CYSLTR1: variants seen among roughly 807,000 people sequenced by gnomAD.
The protein encoded by CYSLTR1 is cysteinyl leukotriene receptor 1.
Under a neutral mutation model 2.1 loss-of-function variants are expected in CYSLTR1, and 1 was observed. The observed-to-expected ratio is 0.48, with a 90% CI of 0.17 to 2.28. CYSLTR1 has a LOEUF of 2.28. Among genes scored for constraint, CYSLTR1 ranks in the 30% most tolerant of loss-of-function variants. The pLI is 0.26. For missense variants in CYSLTR1, 299 were observed against 250.1 expected, an observed-to-expected ratio of 1.20 and a Z score of -1.32; for synonymous variants, 110 against 89.6, an observed-to-expected ratio of 1.23 and a Z score of -1.28.
chrX:78,293,874 A>G lies in CYSLTR1; in HGVS notation c.-114-10334T>C, dbSNP rs183089229. ...TCTATGCTCTTTTTTCTAGTTAGCCATTCGTCCAATCTTTTTTCAAGGTTT... is the reference window on the plus strand; with the variant it reads ...TCTATGCTCTTTTTTCTAGTTAGCCGTTCGTCCAATCTTTTTTCAAGGTTT... On this transcript the variant is annotated intron_variant, in intron 1 of 2. Transcript: ENST00000373304. Among the ~76,000 whole-genome samples the G allele has an allele frequency of 1.3e-4, 14 of 111,351 alleles. No individual in the cohort carries two copies. In the East Asian group the frequency reaches 2.5e-3, roughly 20 times the overall value.
At chrX:78,283,865 C>G (rs1029656658) in intron 1 of CYSLTR1, among the ~76,000 whole-genome samples, 2 of 111,868 alleles carry the variant, frequency 1.8e-5, no homozygotes, top group Non-Finnish European at 3.8e-5. Flanking sequence ...CCTCTATCTT[C>G]TCTTCTAAAC....
intron 1 of CYSLTR1, chrX:78,320,521 G>T (rs1290567479): frequency 8.9e-6 from 1 of 111,942 alleles, no homozygotes; most frequent in Non-Finnish European, 1.9e-5. Context: ...TAGCCTTGTA[G>T]TATAGTTTGA....
At position 78,317,869 on chromosome X, in the gene CYSLTR1, G is replaced by A. The variant is rs7060892; in HGVS notation, c.-115+9436C>T. Among the ~76,000 whole-genome samples, 682 of 111,711 alleles carry A rather than the reference G, an allele frequency of 6.1e-3. 4 individuals are homozygous for A. Among genetic ancestry groups the A allele is most frequent in the African/African-American group, 0.021 (639 of 30,663 alleles). ...TGAGGGCTAAAAGACTACACATTGCGTACAGTGTACACTGCCTGGGTGATG... is the reference window on the plus strand; with the variant it reads ...TGAGGGCTAAAAGACTACACATTGCATACAGTGTACACTGCCTGGGTGATG... On this transcript the variant is annotated intron_variant, in intron 1 of 2. Transcript: ENST00000373304.
intron 1 of CYSLTR1, among the ~76,000 whole-genome samples, chrX:78,286,535 T>C (rs1369060820): frequency 1.8e-5 from 2 of 110,494 alleles, no homozygotes; most frequent in African/African-American, 6.6e-5. Context: ...TTAGGGTACA[T>C]GTGCACAATG....
intron 1 of CYSLTR1, among the ~76,000 whole-genome samples, chrX:78,314,706 A>C (rs757321491): frequency 9.0e-6 from 1 of 110,882 alleles, no homozygotes; most frequent in East Asian, 2.9e-4. Context: ...ACACCTGCCC[A>C]CAGAGAGAGC....
chrX:78,314,097 T>C (rs1184656902), intron 1 of CYSLTR1, among the ~76,000 whole-genome samples: 1 of 111,148 alleles, frequency 9.0e-6, no homozygotes, highest in Non-Finnish European at 1.9e-5. Context: ...GAGAGAATTA[T>C]TTGAAGAGGT....
At chrX:78,298,718 A>T (rs1393337022) in intron 1 of CYSLTR1, among the ~76,000 whole-genome samples, 1 of 111,227 alleles carries the variant, frequency 9.0e-6, no homozygotes, top group Non-Finnish European at 1.9e-5. Flanking sequence ...TTTTATTGGC[A>T]TGGAATGTCT....
At chrX:78,323,398 G>T (rs187756710) in intron 1 of CYSLTR1, among the ~76,000 whole-genome samples, 1 of 111,776 alleles carries the variant, frequency 8.9e-6, no homozygotes, top group African/African-American at 3.3e-5. Flanking sequence ...TCTTAAGTAA[G>T]AATTCAAATT....
intron 2 of CYSLTR1, 125 bp from the exon 3 acceptor site, chrX:78,273,898 C>A: frequency 1.8e-6 from 1 of 550,830 alleles, no homozygotes; most frequent in Non-Finnish European, 2.8e-6. Context: ...AGTAGTGAGG[C>A]ATTGAGGAGG....
chrX:78,296,172 T>A (rs190258055), intron 1 of CYSLTR1, among the ~76,000 whole-genome samples: 2 of 111,917 alleles, frequency 1.8e-5, no homozygotes, highest in African/African-American at 6.5e-5. Flanking sequence ...CCCCAGTGTA[T>A]GTTCTTGGCA....
At chrX:78,309,972 A>G (rs951020132) in intron 1 of CYSLTR1, among the ~76,000 whole-genome samples, 3 of 112,373 alleles carry the variant, frequency 2.7e-5, no homozygotes, top group Non-Finnish European at 5.6e-5. Context: ...ACTGCACAAA[A>G]GGCAAGGATT....
rs1921290398 is a variant in CYSLTR1 at position 78,272,195 on chromosome X, G to A, written c.*538C>T. The A allele has an allele frequency of 8.9e-6, 1 of 111,787 alleles. No individual in the cohort carries two copies. The highest frequency in any genetic ancestry group is 1.9e-5 in the Non-Finnish European group (1 of 53,219). The allele number at this position is 111,787 out of a possible 1,213,427, so 9.2% of individuals were successfully genotyped here. The stretch of plus-strand genomic sequence containing the variant: ...AGCACTTTTACATTCTCTTTTGGAA[G>A]AAATGGCCCTAATTTGCCTAGCGAA... On this transcript the variant is annotated 3_prime_UTR_variant, in exon 3 of 3. Transcript: ENST00000373304.
At position 78,273,393 on chromosome X, in the gene CYSLTR1, G is replaced by A. The variant is rs201536627; in HGVS notation, c.354C>T (p.Ser118=). ...AAACAATTGCAATGCACCGGAAAAA[G>A]CTCATGGCTGTCATAAAGAAGATGC... ...YCSIFFMTAM[S]FFRCIAIVFP... is the part of the protein sequence containing the mutation. The change falls in exon 3 of 3, where the codon AGC becomes AGT. Residue 118 remains serine (S), a synonymous_variant. Coordinates refer to ENST00000373304, the MANE Select transcript of CYSLTR1 (RefSeq NM_006639.4). The A allele has an allele frequency of 3.1e-5, 37 of 1,211,259 alleles. No individual in the cohort carries two copies. The highest frequency in any genetic ancestry group is 3.7e-5 in the Non-Finnish European group (33 of 895,347).
At chrX:78,327,147 A>C (rs774624005) in intron 1 of CYSLTR1, among the ~76,000 whole-genome samples, 158 bp downstream of exon 1, 1 of 112,012 alleles carries the variant, frequency 8.9e-6, no homozygotes, top group African/African-American at 3.2e-5. Flanking sequence ...TTTCTGGCTA[A>C]GAAATAAAGC....
chrX:78,321,139 G>A (rs1349778156), intron 1 of CYSLTR1: 1 of 34,988 alleles, frequency 2.9e-5, no homozygotes, highest in Non-Finnish European at 1.2e-4. Context: ...AGGAGCACGT[G>A]TGTGTGTGTG....
chrX:78,276,015 GAAGA>G (rs943878196), intron 2 of CYSLTR1, among the ~76,000 whole-genome samples: 5 of 112,453 alleles, frequency 4.4e-5, no homozygotes, highest in African/African-American at 6.5e-5. Flanking sequence ...TTAAGGCTCT[GAAGA>G]AATATGTAGT....
At position 78,273,056 on chromosome X, in the gene CYSLTR1, C is replaced by G; in HGVS notation, c.691G>C (p.Ala231Pro). The change falls in exon 3 of 3, where the codon GCT becomes CCT. Residue 231 changes from alanine to proline, a missense_variant. Physicochemically the swap from Ala to Pro is conservative, Grantham distance 27. Coordinates refer to ENST00000373304, the MANE Select transcript of CYSLTR1 (RefSeq NM_006639.4). ...GTCACGACCATGATCATTCCTATAG[C>G]CTTTTTATGACTTGACAGATTTTTT... The part of the protein sequence containing the change: ...MKKNLSSHKK[A>P]IGMIMVVTAA... 1 of 1,210,607 alleles carries G rather than the reference C, an allele frequency of 8.3e-7. No individual in the cohort carries two copies. The highest frequency in any genetic ancestry group is 2.2e-5 in the Admixed American group (1 of 45,862).
intron 1 of CYSLTR1, among the ~76,000 whole-genome samples, chrX:78,284,768 A>AAG (rs1223376198): frequency 9.1e-6 from 1 of 110,339 alleles, no homozygotes; most frequent in Non-Finnish European, 1.9e-5. Context: ...CTAAAAAAAA[A>AAG]AAAAAAAGAA....
intron 1 of CYSLTR1, among the ~76,000 whole-genome samples, chrX:78,294,427 C>A (rs1035731181): frequency 8.9e-6 from 1 of 112,852 alleles, no homozygotes; most frequent in Non-Finnish European, 1.9e-5. Flanking sequence ...TTAGTCTACA[C>A]GGGGTTCAGG....
Sources: allele counts gnomAD v4.1 joint callset (sites outside exome capture counted in the v4.1 genomes callset), GRCh38; gene constraint gnomAD v4.1.1; transcripts MANE v1.5; gene names NCBI Gene and HGNC (gene_info 2026-07-23, HGNC 2026-07-21).